PARD3B: variants seen among roughly 807,000 people sequenced by gnomAD.
The protein encoded by PARD3B is partitioning defective 3 homolog B.
PARD3B carries 103 observed loss-of-function variants against 130.2 expected under a neutral mutation model. That is an observed-to-expected ratio of 0.79 (90% CI 0.67 to 0.93). The LOEUF (loss-of-function observed/expected upper bound fraction) is 0.93. Ranked by LOEUF, PARD3B falls within the 40% of genes least tolerant of loss-of-function variation. PARD3B has a pLI of 0.00. For missense variants in PARD3B, 1,609 were observed against 1,499.2 expected (o/e 1.07, Z -1.21); for synonymous variants, 583 against 553.2 (o/e 1.05, Z -0.76).
intron 22 of PARD3B, among the ~76,000 whole-genome samples, chr2:205,574,493 A>G (rs1356306332): frequency 3.9e-5 from 6 of 152,156 alleles, no homozygotes; most frequent in Non-Finnish European, 8.8e-5. Context: ...GGTTTCCACC[A>G]TACACCATAG....
Position 205,535,866 on chromosome 2 carries a change from T to C in PARD3B, c.3181-17458T>C, listed in dbSNP as rs2051830099. Among the ~76,000 whole-genome samples, 4 of 152,220 alleles carry C rather than the reference T, an allele frequency of 2.6e-5. No homozygotes were observed. In the South Asian group the frequency reaches 8.3e-4, roughly 32 times the overall value. ...ACATTAAAGTGTTGGATCATTTTTC[T>C]TAGGGGCTTTACTAGTAGAGAATTG... On this transcript the variant is annotated intron_variant, in intron 21 of 22. Coordinates refer to ENST00000406610, the MANE Select transcript of PARD3B (RefSeq NM_001302769.2).
intron 12 of PARD3B, 65 bp downstream of exon 12, chr2:205,172,446 A>C: frequency 6.7e-7 from 1 of 1,483,338 alleles, no homozygotes; most frequent in Admixed American, 2.0e-5. Context: ...GCAGACTTCC[A>C]TTCCTAGTAT....
chr2:205,614,188 C>A (rs1454068801), intron 22 of PARD3B, among the ~76,000 whole-genome samples: 1 of 152,176 alleles, frequency 6.6e-6, no homozygotes. Context: ...TTTAGAGGCA[C>A]ACTGCTTCTG....
At chr2:205,356,907 T>G (rs1470451476) in intron 18 of PARD3B, among the ~76,000 whole-genome samples, 1 of 121,166 alleles carries the variant, frequency 8.3e-6, no homozygotes, top group East Asian at 2.5e-4. Flanking sequence ...AAAAAAAAAA[T>G]AGAAGACAAA....
At chr2:204,581,439 TTGAA>T (rs2032549105) in intron 1 of PARD3B, among the ~76,000 whole-genome samples, 1 of 152,196 alleles carries the variant, frequency 6.6e-6, no homozygotes, top group South Asian at 2.1e-4. Context: ...AATGTTAAAC[TTGAA>T]TGGTTATATG....
chr2:205,162,468 C>A (rs1308238723), intron 11 of PARD3B, among the ~76,000 whole-genome samples: 4 of 152,250 alleles, frequency 2.6e-5, no homozygotes, highest in Non-Finnish European at 4.4e-5. Flanking sequence ...GCCAATGTGC[C>A]TAAGCACTAG....
chr2:204,859,503 T>C (rs1258745303), intron 2 of PARD3B, among the ~76,000 whole-genome samples: 1 of 152,204 alleles, frequency 6.6e-6, no homozygotes, highest in Non-Finnish European at 1.5e-5. Flanking sequence ...TCTGTAAAGA[T>C]TGGAAAACCT....
chr2:205,428,936 G>A (rs1316900695), intron 19 of PARD3B, among the ~76,000 whole-genome samples: 1 of 152,046 alleles, frequency 6.6e-6, no homozygotes, highest in Non-Finnish European at 1.5e-5. Flanking sequence ...AGGGGTCCTT[G>A]GAGGAATGAC....
Position 204,546,111 on chromosome 2 carries a change from C to A in PARD3B, c.112C>A (p.Arg38=). 6.4e-7 allele frequency: 1 copy of A among 1,555,326 alleles called. No homozygotes were observed. Among genetic ancestry groups the A allele is most frequent in the Non-Finnish European group, 8.7e-7 (1 of 1,149,636 alleles). Residue 38 remains arginine, a synonymous_variant, in exon 1 of 23, where the codon CGG becomes AGG. Coordinates refer to ENST00000406610, the MANE Select transcript of PARD3B (RefSeq NM_001302769.2). ...GGCGCTGCAGCGGTACCTGAAGACC[C>A]GGGAGAAGGTGAGCGCGGCGCGGAG... ...QQALQRYLKT[R]EKGPGYWVKI... is the part of the protein sequence containing the mutation.
chr2:205,076,795 A>G (rs1228723782), intron 4 of PARD3B, among the ~76,000 whole-genome samples: 1 of 152,006 alleles, frequency 6.6e-6, no homozygotes, highest in African/African-American at 2.4e-5. Context: ...ACCCCCTTCC[A>G]TGAAACTGGT....
At chr2:205,282,621 A>G (rs1383278269) in intron 16 of PARD3B, among the ~76,000 whole-genome samples, 6 of 150,860 alleles carry the variant, frequency 4.0e-5, no homozygotes, top group Non-Finnish European at 8.9e-5. Flanking sequence ...TAAGAATTTG[A>G]GAAAGTATAA....
In PARD3B at chr2:205,186,210, A is replaced by G. The variant is rs56661140; in HGVS notation, c.2024+347A>G. Among the ~76,000 whole-genome samples, 8 of 151,864 alleles carry G rather than the reference A, an allele frequency of 5.3e-5. No homozygotes were observed. The South Asian group carries it at 1.4e-3, about 28-fold the overall frequency. Reference sequence around the variant, plus strand: ...ACAAAACTGAGAAAATAGGAAGCTTATGGGTTTTTATTAGTAATTGGCAAA... The same window carrying G: ...ACAAAACTGAGAAAATAGGAAGCTTGTGGGTTTTTATTAGTAATTGGCAAA... On this transcript the variant is annotated intron_variant, in intron 14 of 22. Transcript: ENST00000406610.
At chr2:204,945,199 G>A (rs939491505) in intron 2 of PARD3B, among the ~76,000 whole-genome samples, 1 of 152,216 alleles carries the variant, frequency 6.6e-6, no homozygotes, top group Admixed American at 6.5e-5. Flanking sequence ...ATCGAGCAAG[G>A]AGACAGGAAG....
intron 1 of PARD3B, among the ~76,000 whole-genome samples, chr2:204,563,217 G>GTCTCTC (rs35536964): frequency 0.082 from 7,110 of 86,464 alleles, 991 homozygotes; most frequent in Admixed American, 0.14. Flanking sequence ...TCTTCCCGCT[G>GTCTCTC]TCTCTCTCTC....
At chr2:205,049,145 T>A (rs1699013847) in intron 4 of PARD3B, among the ~76,000 whole-genome samples, 1 of 152,118 alleles carries the variant, frequency 6.6e-6, no homozygotes, top group Non-Finnish European at 1.5e-5. Flanking sequence ...GTTAGCATTG[T>A]TTGCATGGAG....
chr2:205,583,201 C>A (rs1331900443), intron 22 of PARD3B, among the ~76,000 whole-genome samples: 1 of 152,200 alleles, frequency 6.6e-6, no homozygotes, highest in African/African-American at 2.4e-5. Flanking sequence ...TACGCAGGCA[C>A]TGCCTGTGTT....
chr2:205,381,977 G>T (rs1419297214), intron 18 of PARD3B, among the ~76,000 whole-genome samples: 1 of 152,002 alleles, frequency 6.6e-6, no homozygotes, highest in African/African-American at 2.4e-5. Flanking sequence ...TTGCAAAGAA[G>T]TAGCACAGTT....
intron 11 of PARD3B, among the ~76,000 whole-genome samples, chr2:205,167,133 T>A (rs1467668995): frequency 6.6e-6 from 1 of 152,028 alleles, no homozygotes; most frequent in Non-Finnish European, 1.5e-5. Context: ...TAACAAAAAA[T>A]TTGCCAAGCC....
intron 21 of PARD3B, 77 bp from the exon 22 acceptor site, chr2:205,553,247 A>T: frequency 7.2e-7 from 1 of 1,385,964 alleles, no homozygotes; most frequent in Non-Finnish European, 1.0e-6. Context: ...TTGTGCACTG[A>T]TTATAATTTC....
Sources: gnomAD v4.1 joint callset for allele counts (sites outside exome capture counted in the v4.1 genomes callset) on GRCh38, gnomAD v4.1.1 for gene constraint, MANE v1.5 for transcripts, NCBI Gene and HGNC (gene_info 2026-07-23, HGNC 2026-07-21) for gene names.